The following CCDC34 variants were observed in gnomAD, a reference collection of about 807,000 sequenced individuals.
CCDC34 encodes the protein coiled-coil domain-containing protein 34.
In CCDC34, 40 loss-of-function variants were observed where a neutral mutation model predicts 44.1. The observed-to-expected ratio is 0.91, with a 90% CI of 0.70 to 1.18. The LOEUF (loss-of-function observed/expected upper bound fraction) is 1.18. CCDC34 is among the 50% of genes most tolerant of loss of function. The pLI, the probability that CCDC34 is intolerant of heterozygous loss-of-function variation, is 0.00. For synonymous variants in CCDC34, 159 were observed against 158.2 expected, an observed-to-expected ratio of 1.01 and a Z score of -0.04; for missense variants, 466 against 452.3, an observed-to-expected ratio of 1.03 and a Z score of -0.28.
At chr11:27,345,425 T>A (rs904976627) in intron 3 of CCDC34, among the ~76,000 whole-genome samples, 4 of 152,162 alleles carry the variant, frequency 2.6e-5, no homozygotes, top group African/African-American at 9.7e-5. Flanking sequence ...CCTAATGCTA[T>A]CCCTCACCAC....
chr11:27,357,038 A>G (rs1862588424), intron 2 of CCDC34, among the ~76,000 whole-genome samples: 1 of 152,170 alleles, frequency 6.6e-6, no homozygotes, highest in Non-Finnish European at 1.5e-5. Context: ...TTAAATGTAC[A>G]TATGTTGATG....
At chr11:27,344,446 C>T (rs557715651) in intron 3 of CCDC34, among the ~76,000 whole-genome samples, 3 of 152,046 alleles carry the variant, frequency 2.0e-5, no homozygotes, top group African/African-American at 7.2e-5. Flanking sequence ...TACATATATG[C>T]TATAACATGT....
intron 1 of CCDC34, among the ~76,000 whole-genome samples, chr11:27,361,348 C>G (rs894906141): frequency 2.6e-5 from 4 of 152,192 alleles, no homozygotes; most frequent in African/African-American, 9.7e-5. Context: ...AGCTATAGTT[C>G]CGATGGTCAT....
At chr11:27,345,230 G>C (rs931862266) in intron 3 of CCDC34, among the ~76,000 whole-genome samples, 2 of 152,142 alleles carry the variant, frequency 1.3e-5, no homozygotes, top group Non-Finnish European at 2.9e-5. Flanking sequence ...AAAGCTTCTG[G>C]AAGAAAACAG....
chr11:27,362,567 T>G (rs886745018), intron 1 of CCDC34, among the ~76,000 whole-genome samples: 1 of 152,182 alleles, frequency 6.6e-6, no homozygotes, highest in African/African-American at 2.4e-5. Context: ...GAGTTTTGTG[T>G]GTTTGAGACT....
chr11:27,348,990 C>A (rs1203401458), intron 3 of CCDC34: 1 of 982,188 alleles, frequency 1.0e-6, no homozygotes, highest in African/African-American at 1.8e-5. Context: ...TTTTTTTTTT[C>A]TTCAAATAAT....
intron 1 of CCDC34, among the ~76,000 whole-genome samples, chr11:27,360,062 T>C (rs977913871): frequency 1.3e-5 from 2 of 152,218 alleles, no homozygotes; most frequent in African/African-American, 4.8e-5. Flanking sequence ...AAATGACACT[T>C]TGAATATTAA....
chr11:27,360,883 G>C (rs936770969), intron 1 of CCDC34, among the ~76,000 whole-genome samples: 2 of 152,204 alleles, frequency 1.3e-5, no homozygotes, highest in African/African-American at 2.4e-5. Context: ...GATAGGATCT[G>C]AGCATGCACA....
At chr11:27,343,401 CAAA>C (rs34004808) in intron 3 of CCDC34, among the ~76,000 whole-genome samples, 2 of 110,720 alleles carry the variant, frequency 1.8e-5, no homozygotes. Context: ...GACTCCGTCT[CAAA>C]AAAAAAAAAA....
At position 27,341,641 on chromosome 11, in the gene CCDC34, CA is replaced by C. The variant is rs1234968186; in HGVS notation, c.607-92del. 3 of 570,530 alleles carry C rather than the reference CA, an allele frequency of 5.3e-6. No homozygotes were observed. The African/African-American group carries it at 5.8e-5, about 11-fold the overall frequency. The allele number at this position is 570,530 out of a possible 1,614,324, so 35.3% of individuals were successfully genotyped here. A position where few individuals can be genotyped will look rare whatever the true frequency, so the allele number is the denominator to read the frequency against. On this transcript the variant is annotated intron_variant, in intron 3 of 5. Transcript: ENST00000328697. The stretch of plus-strand genomic sequence containing the variant: ...CTGCATTCAGCAATTTTCTAAACTT[CA>C]ATTATTTTTAAAAATAGACATGATA...
At chr11:27,362,771 G>A (rs1057182108) in intron 1 of CCDC34, 65 bp downstream of exon 1, 6 of 1,533,130 alleles carry the variant, frequency 3.9e-6, no homozygotes, top group African/African-American at 2.7e-5. Context: ...TGTTAGAAGG[G>A]GGTACTTAAG....
At chr11:27,359,511 C>T (rs1313089106) in intron 1 of CCDC34, among the ~76,000 whole-genome samples, 2 of 150,736 alleles carry the variant, frequency 1.3e-5, no homozygotes, top group Admixed American at 6.6e-5. Context: ...TTTTTTGAGA[C>T]GGTGTCTCCC....
intron 1 of CCDC34, 41 bp downstream of exon 1, chr11:27,362,795 T>A (rs755228298): frequency 6.3e-7 from 1 of 1,592,684 alleles, no homozygotes; most frequent in Admixed American, 1.7e-5. Context: ...GTCTAAGGAA[T>A]CTTGAAAAGG....
At chr11:27,340,568 T>C (rs745630290) in intron 5 of CCDC34, 128 bp downstream of exon 5, 168 of 930,696 alleles carry the variant, frequency 1.8e-4, no homozygotes, top group Non-Finnish European at 2.2e-4. Flanking sequence ...ATGTTTATAA[T>C]ATAATCTTCT....
intron 1 of CCDC34, among the ~76,000 whole-genome samples, chr11:27,359,398 A>G (rs192443849): frequency 1.2e-4 from 19 of 152,282 alleles, no homozygotes. Context: ...CCACCTCCGC[A>G]TAAAGTCAGA....
chr11:27,343,508 A>C (rs1862393310), intron 3 of CCDC34, among the ~76,000 whole-genome samples: 1 of 152,158 alleles, frequency 6.6e-6, no homozygotes, highest in African/African-American at 2.4e-5. Flanking sequence ...GAATCTTTTC[A>C]TGCTGAGAAC....
At chr11:27,341,310 A>T (rs1862354357) in intron 4 of CCDC34, 82 bp downstream of exon 4, 2 of 825,206 alleles carry the variant, frequency 2.4e-6, no homozygotes, top group Admixed American at 2.8e-5. Flanking sequence ...CCAATTTTCT[A>T]TTAGATACTT....
chr11:27,356,163 C>A (rs911582852), intron 2 of CCDC34, among the ~76,000 whole-genome samples: 1 of 151,556 alleles, frequency 6.6e-6, no homozygotes, highest in African/African-American at 2.4e-5. Flanking sequence ...GGATTACAGG[C>A]ATGCACCACC....
At position 27,363,010 on chromosome 11, in the gene CCDC34, G is replaced by GT; in HGVS notation, c.184_185insA (p.Ser62TyrfsTer17). Reference sequence around the variant, plus strand: ...AAGGGGAGACAACAGCGACCTGGTGGAATTGCTGCAGCTCAGCGGCAGCGG... The same window carrying GT: ...AAGGGGAGACAACAGCGACCTGGTGGTAATTGCTGCAGCTCAGCGGCAGCGG... On this transcript the variant is annotated frameshift_variant, in exon 1 of 6. Coordinates refer to ENST00000328697, the MANE Select transcript of CCDC34 (RefSeq NM_030771.2). LOFTEE classifies it high-confidence loss of function. 4.3e-6 allele frequency: 7 copies of GT among 1,614,220 alleles called. No homozygotes were observed. Among genetic ancestry groups the GT allele is most frequent in the Non-Finnish European group, 5.9e-6 (7 of 1,180,034 alleles).
Sources: gnomAD v4.1 joint callset for allele counts (sites outside exome capture counted in the v4.1 genomes callset) on GRCh38, gnomAD v4.1.1 for gene constraint, MANE v1.5 for transcripts, NCBI Gene and HGNC (gene_info 2026-07-23, HGNC 2026-07-21) for gene names.